TIPARP: variants seen among roughly 807,000 people sequenced by gnomAD.
The protein encoded by TIPARP is protein mono-ADP-ribosyltransferase TIPARP.
A neutral mutation model predicts 56.5 loss-of-function variants in TIPARP; 12 were observed. The observed-to-expected ratio is 0.21, with a 90% CI of 0.14 to 0.34. The LOEUF (loss-of-function observed/expected upper bound fraction) is 0.34, where lower values mean the gene tolerates loss of function less well. TIPARP is among the 10% of genes least tolerant of loss of function. The pLI is 1.00. For synonymous variants in TIPARP, 296 were observed against 265.7 expected, an observed-to-expected ratio of 1.11 and a Z score of -1.11; for missense variants, 604 against 781.6, an observed-to-expected ratio of 0.77 and a Z score of 2.71.
At chr3:156,700,829 G>T (rs1284181151) in intron 4 of TIPARP, among the ~76,000 whole-genome samples, 1 of 152,178 alleles carries the variant, frequency 6.6e-6, no homozygotes, top group Non-Finnish European at 1.5e-5. Flanking sequence ...GTAATAAAAG[G>T]TGAGTTTGGA....
intron 2 of TIPARP, among the ~76,000 whole-genome samples, chr3:156,689,482 C>T (rs1722513130): frequency 6.6e-6 from 1 of 152,150 alleles, no homozygotes; most frequent in Admixed American, 6.5e-5. Flanking sequence ...TTTTTCTCTA[C>T]CTGTCCACTG....
At position 156,705,214 on chromosome 3, in the gene TIPARP, G is replaced by GGC; in HGVS notation, c.*83_*84insGC. Reference sequence around the variant, plus strand: ...TTTTGAATGGGTGGGACTGGGTGGGGAACAGCATTGGACATTAATAGGGCA... The same window carrying GGC: ...TTTTGAATGGGTGGGACTGGGTGGGGGCAACAGCATTGGACATTAATAGGGCA... On this transcript the variant is annotated 3_prime_UTR_variant, in exon 6 of 6. Transcript: ENST00000295924. The GGC allele has an allele frequency of 6.3e-6, 3 of 479,656 alleles. No individual in the cohort carries two copies. The highest frequency in any genetic ancestry group is 1.1e-5 in the Non-Finnish European group (3 of 266,146). 29.7% of individuals were successfully genotyped at this position (479,656 alleles called of 1,614,324 possible).
At chr3:156,690,440 T>C (rs1369618676) in intron 2 of TIPARP, among the ~76,000 whole-genome samples, 1 of 152,200 alleles carries the variant, frequency 6.6e-6, no homozygotes, top group Non-Finnish European at 1.5e-5. Flanking sequence ...TTAATTGGTA[T>C]GTGCAGATAT....
intron 2 of TIPARP, among the ~76,000 whole-genome samples, chr3:156,687,809 T>C (rs1248741431): frequency 6.6e-6 from 1 of 152,182 alleles, no homozygotes; most frequent in Non-Finnish European, 1.5e-5. Context: ...GAATCAGACA[T>C]GAGGTTTGGC....
chr3:156,704,594 A>T (rs1336161490), intron 5 of TIPARP, 90 bp from the exon 6 acceptor site: 1 of 1,376,946 alleles, frequency 7.3e-7, no homozygotes, highest in African/African-American at 1.5e-5. Flanking sequence ...TCCTCATTAA[A>T]ACCATAAAGA....
intron 2 of TIPARP, among the ~76,000 whole-genome samples, chr3:156,693,816 C>G (rs996000548): frequency 6.6e-6 from 1 of 151,986 alleles, no homozygotes; most frequent in African/African-American, 2.4e-5. Context: ...AAATTTTGGT[C>G]TTGATTAGAA....
At chr3:156,699,575 A>G (rs1722796276) in intron 4 of TIPARP, among the ~76,000 whole-genome samples, 1 of 152,202 alleles carries the variant, frequency 6.6e-6, no homozygotes, top group South Asian at 2.1e-4. Context: ...TGAATAGACT[A>G]TGGTATAGTA....
rs189460855 is a variant in TIPARP, at chr3:156,704,078, C to T, written c.1526+376C>T. Among the ~76,000 whole-genome samples, 8 of 150,108 alleles carry T rather than the reference C, an allele frequency of 5.3e-5. No individual in the cohort carries two copies. The South Asian group carries it at 8.5e-4, about 16-fold the overall frequency. ...ATTGTAGCCAGTGTCAAATGAGGAA[C>T]ATAATAGTAAACATTTGCACAGAAT... is the stretch of plus-strand genomic sequence containing the variant. On this transcript the variant is annotated intron_variant, in intron 5 of 5. Transcript: ENST00000295924.
At position 156,703,579 on chromosome 3, in the gene TIPARP, C is replaced by T; in HGVS notation, c.1403C>T (p.Ser468Phe). The T allele has an allele frequency of 6.2e-7, 1 of 1,614,238 alleles. No individual in the cohort carries two copies. Among genetic ancestry groups the T allele is most frequent in the Non-Finnish European group, 8.5e-7 (1 of 1,180,038 alleles). Residue 468 changes from serine (S) to phenylalanine (F), a missense_variant, in exon 5 of 6, where the codon TCT becomes TTT. Physicochemically the swap from Ser to Phe is radical, Grantham distance 155. This residue lies in a region of TIPARP where 252 missense variants were observed against 303.9 expected (regional missense o/e 0.83). Transcript: ENST00000295924. ...PSQDFIQVPV[S>F]AEDKSYRIIY... ...CAGGACTTCATCCAAGTCCCTGTTT[C>T]TGCAGAGGATAAAAGTTATCGGATC...
At chr3:156,684,334 A>T (rs1722376366) in intron 2 of TIPARP, among the ~76,000 whole-genome samples, 2 of 152,194 alleles carry the variant, frequency 1.3e-5, no homozygotes, top group African/African-American at 2.4e-5. Flanking sequence ...TGATAGCCTG[A>T]GATCTTGATT....
At position 156,677,994 on chromosome 3, in the gene TIPARP, A is replaced by C; in HGVS notation, c.297A>C (p.Ser99=). 2 of 1,614,174 alleles carry C rather than the reference A, an allele frequency of 1.2e-6. No homozygotes were observed. Among genetic ancestry groups the C allele is most frequent in the Non-Finnish European group, 1.7e-6 (2 of 1,180,040 alleles). The stretch of plus-strand genomic sequence containing the variant: ...AGAAAGCCATGGAAATCAATTCATC[A>C]TGCCCACCAGCAGAAAATAATATGT... ...MMKKAMEINS[S]CPPAENNMSV... is the part of the protein sequence containing the mutation. Residue 99 remains serine (S), a synonymous_variant, in exon 2 of 6, where the codon TCA becomes TCC. Coordinates refer to ENST00000295924, the MANE Select transcript of TIPARP (RefSeq NM_015508.5).
chr3:156,703,401 A>G (rs770932081), intron 4 of TIPARP, 23 bp from the exon 5 acceptor site: 10 of 1,610,124 alleles, frequency 6.2e-6, no homozygotes, highest in Non-Finnish European at 8.5e-6. Context: ...TTTTACATTG[A>G]TGTTTCTTCC....
At position 156,691,047 on chromosome 3, in the gene TIPARP, C is replaced by T. The variant is rs77822049; in HGVS notation, c.918-2973C>T. Among the ~76,000 whole-genome samples the T allele has an allele frequency of 4.0e-3, 609 of 152,206 alleles. 6 individuals carry two copies. The highest frequency in any genetic ancestry group is 0.014 in the African/African-American group (590 of 41,530). ...GTCTCTCACATTGCTTGTTTTACCCCCTTATAGGAATTTACAGGTTCCCAT... is the reference window on the plus strand; with the variant it reads ...GTCTCTCACATTGCTTGTTTTACCCTCTTATAGGAATTTACAGGTTCCCAT... On this transcript the variant is annotated intron_variant, in intron 2 of 5. Transcript: ENST00000295924.
chr3:156,694,255 A>AT, intron 3 of TIPARP, 67 bp downstream of exon 3: 4 of 1,422,684 alleles, frequency 2.8e-6, no homozygotes, highest in Non-Finnish European at 3.8e-6. Context: ...GTATTCTTTT[A>AT]TTCTTTCTTT....
intron 2 of TIPARP, among the ~76,000 whole-genome samples, chr3:156,689,352 A>G (rs956954399): frequency 6.6e-6 from 1 of 152,174 alleles, no homozygotes; most frequent in African/African-American, 2.4e-5. Flanking sequence ...ACTTCAGCTC[A>G]TTCCTACATT....
chr3:156,682,540 G>A (rs1559971716), intron 2 of TIPARP, among the ~76,000 whole-genome samples: 1 of 152,176 alleles, frequency 6.6e-6, no homozygotes. Flanking sequence ...GTATATTAAT[G>A]ATCATAAAAA....
At position 156,692,052 on chromosome 3, in the gene TIPARP, A is replaced by C. The variant is rs187603913; in HGVS notation, c.918-1968A>C. ...TAAAATCTGACACTAAACAGCAAAA[A>C]GCATTGGCTGTTTATATTATAATGC... On this transcript the variant is annotated intron_variant, in intron 2 of 5. Transcript: ENST00000295924. 6.2e-4 allele frequency among the ~76,000 whole-genome samples: 95 copies of C among 152,304 alleles called. 1 individual carries two copies. The East Asian group carries it at 0.018, about 28-fold the overall frequency.
At chr3:156,686,453 A>G (rs1487038315) in intron 2 of TIPARP, among the ~76,000 whole-genome samples, 1 of 152,214 alleles carries the variant, frequency 6.6e-6, no homozygotes, top group East Asian at 1.9e-4. Flanking sequence ...TTAAAGAACT[A>G]TCAGAGTGAT....
chr3:156,680,972 C>T (rs1722287163), intron 2 of TIPARP, among the ~76,000 whole-genome samples: 2 of 152,314 alleles, frequency 1.3e-5, no homozygotes, highest in South Asian at 4.1e-4. Flanking sequence ...TGTTAAATTA[C>T]TAGTAAAGTG....
Sources: allele counts gnomAD v4.1 joint callset (sites outside exome capture counted in the v4.1 genomes callset), GRCh38; gene constraint gnomAD v4.1.1; regional missense constraint gnomAD v4.1.1; transcripts MANE v1.5; gene names NCBI Gene and HGNC (gene_info 2026-07-23, HGNC 2026-07-21).